The following HYCC2 variants were observed in gnomAD, a reference collection of about 807,000 sequenced individuals.
The protein encoded by HYCC2 is hyccin PI4KA lipid kinase complex subunit 2.
the HYCC2 span, among the ~76,000 whole-genome samples, chr2:201,008,655 G>T: frequency 6.6e-6 from 1 of 151,994 alleles, no homozygotes; most frequent in Non-Finnish European, 1.5e-5. Flanking sequence ...AGCACTTTGT[G>T]AGGCTGAGGC....
chr2:200,980,077 A>T, the HYCC2 span: 1 of 152,646 alleles, frequency 6.6e-6, no homozygotes, highest in Non-Finnish European at 1.5e-5. Flanking sequence ...GAAATGTTCT[A>T]TAAAAATGTG....
At chr2:200,980,507 T>C in the HYCC2 span, 1 of 152,612 alleles carries the variant, frequency 6.6e-6, no homozygotes, top group Non-Finnish European at 1.5e-5. Flanking sequence ...AATGACCTTA[T>C]ATGTCCTTGT....
the HYCC2 span, chr2:200,997,374 T>C: frequency 8.9e-7 from 1 of 1,124,610 alleles, no homozygotes; most frequent in Admixed American, 1.8e-5. Flanking sequence ...GAACAGTGCT[T>C]GGCTTAGAGA....
chr2:201,022,770 G>A, the HYCC2 span: 1 of 977,522 alleles, frequency 1.0e-6, no homozygotes. Context: ...TTAAATTTAT[G>A]TGTTTTGGTA....
chr2:201,055,616 T>C, the HYCC2 span, among the ~76,000 whole-genome samples: 1 of 152,174 alleles, frequency 6.6e-6, no homozygotes, highest in Non-Finnish European at 1.5e-5. Context: ...AGAGGATCAC[T>C]TAAGCCCAGA....
the HYCC2 span, among the ~76,000 whole-genome samples, chr2:201,028,505 A>C: frequency 3.9e-5 from 6 of 152,220 alleles, no homozygotes; most frequent in Admixed American, 3.9e-4. Flanking sequence ...CATATTGCCA[A>C]GACAATCCTA....
chr2:200,997,081 T>C, the HYCC2 span: 18 of 163,078 alleles, frequency 1.1e-4, no homozygotes, highest in Admixed American at 9.4e-4. Context: ...CTGGGCAACA[T>C]AGCAAGACCC....
At chr2:201,022,021 T>C in the HYCC2 span, 2 of 1,233,362 alleles carry the variant, frequency 1.6e-6, no homozygotes, top group South Asian at 1.3e-5. Context: ...AAAATGAAGA[T>C]GCACTTTAAG....
the HYCC2 span, chr2:200,997,341 T>C: frequency 1.3e-6 from 1 of 759,242 alleles, no homozygotes; most frequent in African/African-American, 1.8e-5. Context: ...GAGTTTTGTT[T>C]ACTGCTGTAA....
the HYCC2 span, chr2:200,979,032 T>G: frequency 1.3e-5 from 2 of 149,336 alleles, no homozygotes; most frequent in African/African-American, 5.1e-5. Context: ...CACTTTCTTT[T>G]TTATTTTTTA....
chr2:200,983,053 C>T, the HYCC2 span, among the ~76,000 whole-genome samples: 45 of 152,212 alleles, frequency 3.0e-4, no homozygotes, highest in African/African-American at 9.4e-4. Context: ...CCACCGCGCC[C>T]GGCCAACAAC....
the HYCC2 span, among the ~76,000 whole-genome samples, chr2:200,989,966 C>T: frequency 2.6e-5 from 4 of 151,690 alleles, no homozygotes; most frequent in African/African-American, 7.3e-5. Context: ...GTCAAATCAC[C>T]GAGACAACTA....
the HYCC2 span, among the ~76,000 whole-genome samples, chr2:201,028,463 C>A: frequency 6.6e-6 from 1 of 152,174 alleles, no homozygotes; most frequent in Non-Finnish European, 1.5e-5. Context: ...AAAAAAACTA[C>A]TTTAAAGTTC....
the HYCC2 span, among the ~76,000 whole-genome samples, chr2:201,042,862 C>G: frequency 2.0e-5 from 3 of 149,810 alleles, no homozygotes; most frequent in African/African-American, 7.5e-5. Context: ...GGTGGGGGGG[C>G]CCCTCTGCCC....
At chr2:201,038,896 A>T in the HYCC2 span, among the ~76,000 whole-genome samples, 1 of 152,082 alleles carries the variant, frequency 6.6e-6, no homozygotes, top group South Asian at 2.1e-4. Flanking sequence ...AAGTATAATT[A>T]AAAAAAAGAA....
the HYCC2 span, among the ~76,000 whole-genome samples, chr2:201,055,500 A>T: frequency 0.018 from 2,765 of 151,528 alleles, 58 homozygotes; most frequent in South Asian, 0.027. Context: ...GGAGTTTGAG[A>T]CCAGCCTGGG....
the HYCC2 span, among the ~76,000 whole-genome samples, chr2:201,004,695 T>C: frequency 6.6e-6 from 1 of 152,134 alleles, no homozygotes; most frequent in Non-Finnish European, 1.5e-5. Context: ...AGCTACATTT[T>C]TGGAGCAAGA....
the HYCC2 span, among the ~76,000 whole-genome samples, chr2:200,990,398 A>AT: frequency 1.7e-4 from 25 of 150,552 alleles, no homozygotes; most frequent in East Asian, 5.8e-4. Context: ...GGATATTTAC[A>AT]TTTTTTTTTG....
chr2:201,047,788 G>C, the HYCC2 span, among the ~76,000 whole-genome samples: 3 of 140,362 alleles, frequency 2.1e-5, no homozygotes, highest in South Asian at 7.5e-4. Flanking sequence ...AAATATAATA[G>C]AATAACACTG....
Sources: gnomAD v4.1 joint callset for allele counts (sites outside exome capture counted in the v4.1 genomes callset) on GRCh38, gnomAD v4.1.1 for gene constraint, MANE v1.5 for transcripts, NCBI Gene and HGNC (gene_info 2026-07-23, HGNC 2026-07-21) for gene names.